Variants in PDE6B observed in about 807,000 individuals in gnomAD.
The protein encoded by PDE6B is rod cGMP-specific 3',5'-cyclic phosphodiesterase subunit beta.
A neutral mutation model predicts 109.0 loss-of-function variants in PDE6B; 106 were observed. The ratio of observed to expected loss-of-function variants is 0.97; its 90% CI spans 0.83 to 1.14. PDE6B has a LOEUF of 1.14. PDE6B is among the 50% of genes most tolerant of loss of function. The pLI is 0.00. For missense variants in PDE6B, 1,193 were observed against 1,155.6 expected, an observed-to-expected ratio of 1.03 and a Z score of -0.47; for synonymous variants, 490 against 471.3, an observed-to-expected ratio of 1.04 and a Z score of -0.51.
Position 635,928 on chromosome 4 carries a change from C to G in PDE6B, c.670C>G (p.His224Asp), listed in dbSNP as rs899890736. 7 of 1,609,466 alleles carry G rather than the reference C, an allele frequency of 4.3e-6. No homozygotes were observed. The highest frequency in any genetic ancestry group is 1.3e-5 in the African/African-American group (1 of 74,850). ...NFATLYLKIY[H>D]LSYLHNCETR... ...TGCCACGTTGTACCTGAAGATCTAT[C>G]ACCTGAGCTACCTCCACAACTGCGA... Residue 224 changes from histidine to aspartate, a missense_variant, in exon 3 of 22, where the codon CAC becomes GAC. Coordinates refer to ENST00000496514, the MANE Select transcript of PDE6B (RefSeq NM_000283.4).
intron 3 of PDE6B, among the ~76,000 whole-genome samples, chr4:639,854 C>T (rs1297931203): frequency 1.3e-5 from 2 of 152,088 alleles, no homozygotes; most frequent in Non-Finnish European, 2.9e-5. Flanking sequence ...GCCTGTAGTC[C>T]CAGCTACTCG....
rs1737404493 is a variant in PDE6B, at chr4:663,659, C to T, written c.1921-111C>T. On this transcript the variant is annotated intron_variant, in intron 15 of 21. Transcript: ENST00000496514. This position sits in a 1 kb window ranked among gnomAD's most constrained non-coding sequence, Gnocchi z 4.0. ...TTAGGGGTCCCGCCCACCGAGGGCC[C>T]GAGGGCGGGGGCGTGAGAGGCACAG... 2.6e-6 allele frequency: 2 copies of T among 783,482 alleles called. No homozygotes were observed. The highest frequency in any genetic ancestry group is 2.3e-4 in the Middle Eastern group (1 of 4,392). The allele number at this position is 783,482 out of a possible 1,614,324, so 48.5% of individuals were successfully genotyped here.
In PDE6B at chr4:653,180, G is replaced by A. The variant is rs545846149; in HGVS notation, c.712-672G>A. On this transcript the variant is annotated intron_variant, in intron 3 of 21. Coordinates refer to ENST00000496514, the MANE Select transcript of PDE6B (RefSeq NM_000283.4). The stretch of plus-strand genomic sequence containing the variant: ...AGGGAGAGAGCTGGGCTAGGACACC[G>A]CAGCGGAGGAGAGGGAGCTGGCACC... 17 of 998,564 alleles carry A rather than the reference G, an allele frequency of 1.7e-5. No homozygotes were observed. The Admixed American group carries it at 2.6e-4, about 15-fold the overall frequency. 61.9% of individuals were successfully genotyped at this position (998,564 alleles called of 1,614,324 possible). A position where few individuals can be genotyped will look rare whatever the true frequency, so the allele number is the denominator to read the frequency against.
intron 1 of PDE6B, among the ~76,000 whole-genome samples, chr4:630,744 CG>C (rs1734345589): frequency 6.6e-6 from 1 of 152,212 alleles, no homozygotes; most frequent in African/African-American, 2.4e-5. Context: ...GCCCCAATTC[CG>C]GCTGCCTGCT....
In PDE6B at chr4:654,866, AAGG is replaced by A. The variant is rs913866737; in HGVS notation, c.976_978del (p.Glu326del). The A allele has an allele frequency of 4.5e-6, 7 of 1,562,190 alleles. No individual in the cohort carries two copies. Among genetic ancestry groups the A allele is most frequent in the East Asian group, 2.2e-5 (1 of 44,652 alleles). On this transcript the variant is annotated inframe_deletion, in exon 6 of 22. Coordinates refer to ENST00000496514, the MANE Select transcript of PDE6B (RefSeq NM_000283.4). The stretch of plus-strand genomic sequence containing the variant: ...AGTGATCGACTACGTCCTCCACGGC[AAGG>A]AGGAGATCAAGGTCATTCCGTAAGT...
At position 659,000 on chromosome 4, in the gene PDE6B, G is replaced by A. The variant is rs749225833; in HGVS notation, c.1450G>A (p.Glu484Lys). The A allele has an allele frequency of 4.5e-5, 73 of 1,613,218 alleles. No homozygotes were observed. The highest frequency in any genetic ancestry group is 3.8e-4 in the South Asian group (35 of 91,074). Residue 484 changes from glutamate (E) to lysine (K), a missense_variant, in exon 11 of 22, where the codon GAG (glutamate) becomes AAG (lysine). Glu to Lys is a moderately conservative substitution (Grantham distance 56). Coordinates refer to ENST00000496514, the MANE Select transcript of PDE6B (RefSeq NM_000283.4). ...GGAGCCTGCTGACTGCGATGAGGAC[G>A]AGCTGGGCGAAATCCTGGTAAGAAC... The part of the protein sequence containing the change: ...GKEPADCDED[E>K]LGEILKEELP...
intron 1 of PDE6B, among the ~76,000 whole-genome samples, chr4:629,684 G>C (rs569976948): frequency 6.6e-6 from 1 of 152,354 alleles, no homozygotes; most frequent in Non-Finnish European, 1.5e-5. Context: ...AGGCTGGACA[G>C]AGCAGGGGCG....
chr4:649,703 G>A (rs1289959427), intron 3 of PDE6B, among the ~76,000 whole-genome samples: 1 of 152,180 alleles, frequency 6.6e-6, no homozygotes, highest in East Asian at 1.9e-4. Flanking sequence ...GGACCGCGTA[G>A]GCCTGAGCGC....
intron 3 of PDE6B, among the ~76,000 whole-genome samples, chr4:644,293 A>G (rs1347447220): frequency 2.0e-5 from 3 of 151,754 alleles, no homozygotes; most frequent in African/African-American, 7.3e-5. Flanking sequence ...TCCATTTTAA[A>G]TTTTTCAGCT....
chr4:663,054 C>T lies in PDE6B; in HGVS notation c.1833-46C>T, dbSNP rs1161374420. The T allele has an allele frequency of 3.6e-6, 4 of 1,115,234 alleles. No homozygotes were observed. The highest frequency in any genetic ancestry group is 5.5e-6 in the Non-Finnish European group (4 of 724,336). The allele number at this position is 1,115,234 out of a possible 1,614,324, so 69.1% of individuals were successfully genotyped here. A position where few individuals can be genotyped will look rare whatever the true frequency, so the allele number is the denominator to read the frequency against. ...GGGGGGCTGCAGAGCGCAGGGTGGG[C>T]CAAGGGCAGGTCCCACGGGCCTCAC... On this transcript the variant is annotated intron_variant, in intron 14 of 21. Coordinates refer to ENST00000496514, the MANE Select transcript of PDE6B (RefSeq NM_000283.4). The surrounding 1 kb of genome is among the most constrained non-coding windows in gnomAD (Gnocchi z 4.0).
chr4:653,609 G>C, intron 3 of PDE6B: 4 of 603,978 alleles, frequency 6.6e-6, no homozygotes, highest in Non-Finnish European at 1.2e-5. Flanking sequence ...CCACTCCTGA[G>C]TGATCAGGGA....
Position 662,998 on chromosome 4 carries a change from G to T in PDE6B, c.1833-102G>T. On this transcript the variant is annotated intron_variant, in intron 14 of 21. Coordinates refer to ENST00000496514, the MANE Select transcript of PDE6B (RefSeq NM_000283.4). This position sits in a 1 kb window ranked among gnomAD's most constrained non-coding sequence, Gnocchi z 4.3. ...AGAGTGGGTGACAGAGGCAGACCCT[G>T]TCTCAAAAAAAAGAAAGTGGGGCCC... is the stretch of plus-strand genomic sequence containing the variant. 1 of 764,878 alleles carries T rather than the reference G, an allele frequency of 1.3e-6. No homozygotes were observed. The highest frequency in any genetic ancestry group is 2.4e-6 in the Non-Finnish European group (1 of 417,436). 47.4% of individuals were successfully genotyped at this position (764,878 alleles called of 1,614,324 possible).
rs1397703523 is a variant in PDE6B, at chr4:634,661, T to G, written c.469-16T>G. The G allele has an allele frequency of 5.0e-6, 8 of 1,609,526 alleles. No homozygotes were observed. Among genetic ancestry groups the G allele is most frequent in the Non-Finnish European group, 4.3e-6 (5 of 1,175,990 alleles). Reference sequence around the variant, plus strand: ...GGTGCGACAGCCTCTTTAGCCTCTTTCCTCTCTTGCGGCAGTGCCCTCACT... The same window carrying G: ...GGTGCGACAGCCTCTTTAGCCTCTTGCCTCTCTTGCGGCAGTGCCCTCACT... On this transcript the variant is annotated splice_polypyrimidine_tract_variant and intron_variant, in intron 1 of 21. Transcript: ENST00000496514.
intron 4 of PDE6B, 34 bp downstream of exon 4, chr4:654,026 G>A: frequency 6.2e-7 from 1 of 1,613,712 alleles, no homozygotes; most frequent in Non-Finnish European, 8.5e-7. Context: ...CCCCCTGCCT[G>A]GCCCGACCCA....
In PDE6B at chr4:625,726, G is replaced by C. The variant is rs182545478; in HGVS notation, c.100G>C (p.Ala34Pro). The C allele has an allele frequency of 6.2e-7, 1 of 1,613,530 alleles. No homozygotes were observed. The highest frequency in any genetic ancestry group is 8.5e-7 in the Non-Finnish European group (1 of 1,179,906). ...GAAACTGAGCCCTGAGAATGTGGCC[G>C]CGGCCTGCGAGGACGGGTGCCCGCC... ...GKKLSPENVA[A>P]ACEDGCPPDC... The change falls in exon 1 of 22, where the codon GCG becomes CCG. Residue 34 changes from alanine (A) to proline (P), a missense_variant. Ala to Pro is a conservative substitution (Grantham distance 27). Transcript: ENST00000496514. This position sits in a 1 kb window ranked among gnomAD's most constrained non-coding sequence, Gnocchi z 5.0.
At chr4:637,351 G>C (rs985181516) in intron 3 of PDE6B, among the ~76,000 whole-genome samples, 5 of 152,054 alleles carry the variant, frequency 3.3e-5, no homozygotes, top group Non-Finnish European at 7.4e-5. Context: ...CTCCCGAGTA[G>C]CTGGGATCAC....
At chr4:629,271 T>A (rs13117283) in intron 1 of PDE6B, among the ~76,000 whole-genome samples, 3,408 of 152,142 alleles carry the variant, frequency 0.022, 39 homozygotes, top group Middle Eastern at 0.041. Flanking sequence ...CCACACCTGA[T>A]GAGGGGGAAG....
At chr4:653,466 C>A in intron 3 of PDE6B, 2 of 589,476 alleles carry the variant, frequency 3.4e-6, no homozygotes, top group South Asian at 4.1e-5. Context: ...GGCGGCCTGA[C>A]GTGCGGAAAC....
chr4:653,788 C>T (rs1026558535), intron 3 of PDE6B, 64 bp from the exon 4 acceptor site: 2 of 1,575,716 alleles, frequency 1.3e-6, no homozygotes, highest in African/African-American at 2.7e-5. Flanking sequence ...ACCCCTGCTG[C>T]TGTGGTCAGA....
Sources: gnomAD v4.1 joint callset for allele counts (sites outside exome capture counted in the v4.1 genomes callset) on GRCh38, gnomAD v4.1.1 for gene constraint, Gnocchi (gnomAD v3.1) non-coding constraint, MANE v1.5 for transcripts, NCBI Gene and HGNC (gene_info 2026-07-23, HGNC 2026-07-21) for gene names.